KAT7: variants seen among roughly 807,000 people sequenced by gnomAD.
KAT7 encodes histone acetyltransferase KAT7.
In KAT7, 10 loss-of-function variants were observed where a neutral mutation model predicts 82.1. The observed-to-expected ratio is 0.12, with a 90% CI of 0.08 to 0.21. The LOEUF is 0.21. Among genes scored for constraint, KAT7 ranks in the 10% least tolerant of loss-of-function variants. The pLI is 1.00. For synonymous variants in KAT7, 250 were observed against 262.5 expected (o/e 0.95, Z 0.46); for missense variants, 378 against 760.9 (o/e 0.50, Z 5.92).
At chr17:49,821,188 T>TA in intron 9 of KAT7, 149 bp from the exon 10 acceptor site, 2 of 589,082 alleles carry the variant, frequency 3.4e-6, no homozygotes, top group Non-Finnish European at 6.0e-6. Context: ...TTTATGGAAA[T>TA]AAAATCTCTG....
Position 49,788,760 on chromosome 17 carries a change from G to A in KAT7, c.-75G>A, listed in dbSNP as rs957688845. The A allele has an allele frequency of 8.2e-5, 124 of 1,517,134 alleles. No homozygotes were observed. The highest frequency in any genetic ancestry group is 1.0e-4 in the Non-Finnish European group (114 of 1,123,280). The allele number at this position is 1,517,134 out of a possible 1,614,324, so 94.0% of individuals were successfully genotyped here. A position where few individuals can be genotyped will look rare whatever the true frequency, so the allele number is the denominator to read the frequency against. ...TGGGACTGATACAGAGGCCGCCACG[G>A]AGCCCGCCGGAGCCACCGTTCCTGC... On this transcript the variant is annotated 5_prime_UTR_variant, in exon 1 of 15. Coordinates refer to ENST00000259021, the MANE Select transcript of KAT7 (RefSeq NM_007067.5).
intron 11 of KAT7, 72 bp from the exon 12 acceptor site, chr17:49,823,130 C>A: frequency 1.2e-6 from 1 of 849,902 alleles, no homozygotes; most frequent in Non-Finnish European, 2.0e-6. Flanking sequence ...CCTTATTTTG[C>A]ATCTGTGGAA....
intron 2 of KAT7, among the ~76,000 whole-genome samples, chr17:49,793,321 G>A (rs2073913595): frequency 6.6e-6 from 1 of 152,090 alleles, no homozygotes. Flanking sequence ...TGGAAATAAT[G>A]GAATTTTGCT....
At chr17:49,803,448 G>A (rs2074050592) in intron 4 of KAT7, among the ~76,000 whole-genome samples, 1 of 151,206 alleles carries the variant, frequency 6.6e-6, no homozygotes, top group Non-Finnish European at 1.5e-5. Context: ...TTTTTGAGAT[G>A]GAGTCTCGCT....
At position 49,791,984 on chromosome 17, in the gene KAT7, A is replaced by G. The variant is rs200333511; in HGVS notation, c.114A>G (p.Arg38=). The G allele has an allele frequency of 1.5e-5, 25 of 1,614,184 alleles. No homozygotes were observed. The African/African-American group carries it at 3.1e-4, about 20-fold the overall frequency. ...CAGAAAGTGATGGCACATCCCGACG[A>G]TCTGCTCGAGTCACCCGCTCCTCAG... ...DSSESDGTSR[R]SARVTRSSAR... The change falls in exon 2 of 15, where the codon CGA becomes CGG. Residue 38 remains arginine, a synonymous_variant. Coordinates refer to ENST00000259021, the MANE Select transcript of KAT7 (RefSeq NM_007067.5).
In KAT7 at chr17:49,827,550, A is replaced by G; in HGVS notation, c.*48A>G. ...GCGAACCCCAGCAGTAGGAATCCGTACCCTAGGGATCTGTCTGTCATTTCT... is the reference window on the plus strand; with the variant it reads ...GCGAACCCCAGCAGTAGGAATCCGTGCCCTAGGGATCTGTCTGTCATTTCT... On this transcript the variant is annotated 3_prime_UTR_variant, in exon 15 of 15. Coordinates refer to ENST00000259021, the MANE Select transcript of KAT7 (RefSeq NM_007067.5). The G allele has an allele frequency of 1.9e-6, 2 of 1,051,792 alleles. No homozygotes were observed. The highest frequency in any genetic ancestry group is 3.0e-6 in the Non-Finnish European group (2 of 671,776). The allele number at this position is 1,051,792 out of a possible 1,614,324, so 65.2% of individuals were successfully genotyped here.
intron 2 of KAT7, among the ~76,000 whole-genome samples, chr17:49,794,003 T>C (rs1211658590): frequency 6.6e-6 from 1 of 152,222 alleles, no homozygotes; most frequent in African/African-American, 2.4e-5. Context: ...TCAGCTAAAG[T>C]ATTGCTATTG....
At chr17:49,824,132 AAT>A (rs1374302780) in intron 12 of KAT7, among the ~76,000 whole-genome samples, 1 of 152,192 alleles carries the variant, frequency 6.6e-6, no homozygotes, top group East Asian at 1.9e-4. Flanking sequence ...ATGGTTGACC[AAT>A]ATGTGACCAG....
chr17:49,800,042 C>T lies in KAT7; in HGVS notation c.580+1484C>T, dbSNP rs1277709527. 6.8e-4 allele frequency among the ~76,000 whole-genome samples: 83 copies of T among 121,616 alleles called. No individual in the cohort carries two copies. The Admixed American group carries it at 8.5e-3, about 13-fold the overall frequency. The allele number at this position is 121,616 out of a possible 152,430, so 79.8% of individuals were successfully genotyped here. On this transcript the variant is annotated intron_variant, in intron 4 of 14. Transcript: ENST00000259021. ...TTTTTTTTTTTTTGAGACTGAGTCT[C>T]GCTCTGTCCCCCAGGCTGGAGTGCA...
intron 3 of KAT7, 53 bp downstream of exon 3, chr17:49,796,979 C>A: frequency 1.3e-6 from 2 of 1,522,914 alleles, no homozygotes; most frequent in Admixed American, 3.4e-5. Flanking sequence ...GGGTGAAATT[C>A]TTTTTAAGGA....
At chr17:49,805,223 CT>C in intron 4 of KAT7, 139 bp from the exon 5 acceptor site, 1 of 608,470 alleles carries the variant, frequency 1.6e-6, no homozygotes, top group East Asian at 2.8e-5. Flanking sequence ...CCCTACCAGC[CT>C]TATGTTTGGT....
rs2074102454 is a variant in KAT7 at position 49,807,228 on chromosome 17, T to C, written c.663+1783T>C. ...AAATAATTTTGTGTAGTGATAAATA[T>C]TGTGAGGAAAAAAAGACGAATGATA... is the stretch of plus-strand genomic sequence containing the variant. On this transcript the variant is annotated intron_variant, in intron 5 of 14. Coordinates refer to ENST00000259021, the MANE Select transcript of KAT7 (RefSeq NM_007067.5). 2.6e-5 allele frequency among the ~76,000 whole-genome samples: 4 copies of C among 152,104 alleles called. No individual in the cohort carries two copies. In the South Asian group the frequency reaches 8.3e-4, roughly 32 times the overall value.
Position 49,788,849 on chromosome 17 carries a change from G to A in KAT7, c.15G>A (p.Lys5=), listed in dbSNP as rs1037741239. 1.3e-6 allele frequency: 2 copies of A among 1,588,888 alleles called. No homozygotes were observed. The highest frequency in any genetic ancestry group is 1.7e-6 in the Non-Finnish European group (2 of 1,165,938). The change falls in exon 1 of 15, where the codon AAG becomes AAA. Residue 5 remains lysine (K), a splice_region_variant and synonymous_variant. Coordinates refer to ENST00000259021, the MANE Select transcript of KAT7 (RefSeq NM_007067.5). The part of the protein sequence containing the change: MPRR[K]RNAGSSSDGT... ...AGCCGCCGGCAATGCCGCGAAGGAA[G>A]GTGAGAAACGGGAGAGGAGGGATGG...
chr17:49,811,772 G>A (rs1412583247), intron 7 of KAT7, among the ~76,000 whole-genome samples, 198 bp downstream of exon 7: 4 of 152,096 alleles, frequency 2.6e-5, no homozygotes, highest in African/African-American at 2.4e-5. Flanking sequence ...GAGGTCTTGG[G>A]AAAATGAAAT....
At chr17:49,793,666 T>C (rs879280614) in intron 2 of KAT7, among the ~76,000 whole-genome samples, 12 of 150,880 alleles carry the variant, frequency 8.0e-5, no homozygotes, top group Non-Finnish European at 1.5e-4. Flanking sequence ...TTCCGCCTCC[T>C]GGGTTCAAGC....
intron 4 of KAT7, among the ~76,000 whole-genome samples, chr17:49,801,330 A>G (rs2074022136): frequency 6.6e-6 from 1 of 152,132 alleles, no homozygotes; most frequent in African/African-American, 2.4e-5. Flanking sequence ...GATTACAGGC[A>G]TGTGCCACCA....
intron 1 of KAT7, among the ~76,000 whole-genome samples, chr17:49,790,590 G>A (rs2073874502): frequency 6.6e-6 from 1 of 152,118 alleles, no homozygotes; most frequent in African/African-American, 2.4e-5. Flanking sequence ...CCAAATACCG[G>A]GAGTTACTTG....
At chr17:49,818,935 C>T (rs1159835110) in intron 9 of KAT7, among the ~76,000 whole-genome samples, 1 of 152,140 alleles carries the variant, frequency 6.6e-6, no homozygotes, top group Admixed American at 6.5e-5. Flanking sequence ...GACAGGGTTT[C>T]ACCATATTGA....
chr17:49,827,358 G>A (rs1156795382), intron 14 of KAT7, 43 bp from the exon 15 acceptor site: 10 of 1,207,282 alleles, frequency 8.3e-6, no homozygotes, highest in Non-Finnish European at 1.1e-5. Flanking sequence ...AAAGGCACTT[G>A]AGTTGAAAGT....
Sources: gnomAD v4.1 joint callset for allele counts (sites outside exome capture counted in the v4.1 genomes callset) on GRCh38, gnomAD v4.1.1 for gene constraint, MANE v1.5 for transcripts, NCBI Gene and HGNC (gene_info 2026-07-23, HGNC 2026-07-21) for gene names.